HERC6: variants seen among roughly 807,000 people sequenced by gnomAD.
HERC6 encodes HECT and RLD domain containing E3 ubiquitin protein ligase family member 6, also known as probable E3 ubiquitin-protein ligase HERC6.
In HERC6, 101 loss-of-function variants were observed where a neutral mutation model predicts 114.5. That is an observed-to-expected ratio of 0.88 (90% CI 0.75 to 1.04). The LOEUF is 1.04. Ranked by LOEUF, HERC6 falls within the 50% of genes least tolerant of loss-of-function variation. The pLI, the probability that HERC6 is intolerant of heterozygous loss-of-function variation, is 0.00. For missense variants in HERC6, 1,133 were observed against 1,230.9 expected (o/e 0.92, Z 1.19); for synonymous variants, 408 against 436.2 (o/e 0.94, Z 0.81).
At chr4:88,389,393 G>T (rs1027845693) in intron 3 of HERC6, among the ~76,000 whole-genome samples, 2 of 152,162 alleles carry the variant, frequency 1.3e-5, no homozygotes, top group Non-Finnish European at 2.9e-5. Flanking sequence ...GGGGGCAAAG[G>T]TTGCCTCAGG....
intron 8 of HERC6, among the ~76,000 whole-genome samples, chr4:88,402,964 G>A (rs990712679): frequency 6.6e-6 from 1 of 152,192 alleles, no homozygotes; most frequent in South Asian, 2.1e-4. Flanking sequence ...TCTTCTTCAA[G>A]AGGTCTTTTA....
chr4:88,388,864 G>T (rs1159281041), intron 3 of HERC6, among the ~76,000 whole-genome samples: 2 of 152,290 alleles, frequency 1.3e-5, no homozygotes, highest in African/African-American at 4.8e-5. Context: ...CTGTACAGGT[G>T]CAAATCTCCC....
intron 15 of HERC6, among the ~76,000 whole-genome samples, chr4:88,427,392 T>C (rs768513440): frequency 5.3e-5 from 8 of 152,162 alleles, no homozygotes; most frequent in East Asian, 1.9e-4. Context: ...CCCATGGAAC[T>C]CAGACCCATG....
intron 8 of HERC6, among the ~76,000 whole-genome samples, chr4:88,402,873 C>G (rs576218077): frequency 6.6e-6 from 1 of 152,300 alleles, no homozygotes; most frequent in South Asian, 2.1e-4. Context: ...GGGAAAAACT[C>G]TTCCTCTTGA....
intron 13 of HERC6, among the ~76,000 whole-genome samples, chr4:88,419,952 TC>T (rs1404398904): frequency 6.6e-6 from 1 of 151,806 alleles, no homozygotes; most frequent in African/African-American, 2.4e-5. Context: ...TCCTCTCTCT[TC>T]CCCTCTCCCT....
chr4:88,440,101 A>G lies in HERC6; in HGVS notation c.2739+44A>G, dbSNP rs200072050. On this transcript the variant is annotated intron_variant, in intron 21 of 22. Transcript: ENST00000264346. ...GCCCCAATTTTTCCGAACAACTTCT[A>G]TATATTCCACCCCACTCAAATCATT... is the stretch of plus-strand genomic sequence containing the variant. The G allele has an allele frequency of 1.7e-5, 27 of 1,604,534 alleles. No homozygotes were observed. In the East Asian group the frequency reaches 4.7e-4, roughly 28 times the overall value.
intron 5 of HERC6, among the ~76,000 whole-genome samples, chr4:88,393,961 TA>T (rs2148879311): frequency 6.6e-6 from 1 of 152,330 alleles, no homozygotes; most frequent in African/African-American, 2.4e-5. Flanking sequence ...CCCCATCTCC[TA>T]ATATCATGGC....
rs1739449745 is a variant in HERC6 at position 88,442,596 on chromosome 4, T to C, written c.*136T>C. The C allele has an allele frequency of 1.4e-5, 10 of 726,608 alleles. No individual in the cohort carries two copies. The South Asian group carries it at 1.4e-4, about 10-fold the overall frequency. The allele number at this position is 726,608 out of a possible 1,614,324, so 45.0% of individuals were successfully genotyped here. On this transcript the variant is annotated 3_prime_UTR_variant, in exon 23 of 23. Coordinates refer to ENST00000264346, the MANE Select transcript of HERC6 (RefSeq NM_017912.4). ...AGAGATTGGGGGAATGGGGAGATGA[T>C]GATGATGGTCAAAGGGTGCAAAATC...
intron 11 of HERC6, among the ~76,000 whole-genome samples, chr4:88,410,173 G>A (rs1736013594): frequency 6.6e-6 from 1 of 152,176 alleles, no homozygotes; most frequent in Admixed American, 6.5e-5. Flanking sequence ...CCAAGGTAGT[G>A]GGAGCACAGT....
intron 5 of HERC6, among the ~76,000 whole-genome samples, chr4:88,394,201 G>A (rs576027242): frequency 6.6e-6 from 1 of 152,132 alleles, no homozygotes; most frequent in African/African-American, 2.4e-5. Flanking sequence ...ATAGCTGGGT[G>A]TGGTGGCTCA....
rs1045504635 is a variant in HERC6 at position 88,424,448 on chromosome 4, C to T, written c.1828-147C>T. On this transcript the variant is annotated intron_variant, in intron 14 of 22. Transcript: ENST00000264346. ...GAGCCAAGTTTATGCCCCTGCACTCCAGCCTGGGCAATAGAACAAGACTCT... is the reference window on the plus strand; with the variant it reads ...GAGCCAAGTTTATGCCCCTGCACTCTAGCCTGGGCAATAGAACAAGACTCT... 3 of 650,344 alleles carry T rather than the reference C, an allele frequency of 4.6e-6. No individual in the cohort carries two copies. In the Admixed American group the frequency reaches 9.2e-5, roughly 20 times the overall value. The allele number at this position is 650,344 out of a possible 1,614,324, so 40.3% of individuals were successfully genotyped here. A position where few individuals can be genotyped will look rare whatever the true frequency, so the allele number is the denominator to read the frequency against.
In HERC6 at chr4:88,428,344, A is replaced by G. The variant is rs867993157; in HGVS notation, c.1936-236A>G. 5.3e-5 allele frequency among the ~76,000 whole-genome samples: 8 copies of G among 152,318 alleles called. No homozygotes were observed. The South Asian group carries it at 1.2e-3, about 24-fold the overall frequency. On this transcript the variant is annotated intron_variant, in intron 15 of 22. Transcript: ENST00000264346. ...AATAACTTAGCTGTTCATCCATGCT[A>G]ACTAATCTCCTGTACACAATTCCTA... is the stretch of plus-strand genomic sequence containing the variant.
Position 88,417,647 on chromosome 4 carries a change from T to C in HERC6, c.1713+68T>C, listed in dbSNP as rs894857418. On this transcript the variant is annotated intron_variant, in intron 13 of 22. Transcript: ENST00000264346. Reference sequence around the variant, plus strand: ...TCAAAATCCCTTAAGTCTCAACCAGTTGGACTTCTAAGAAGTCAAATAAAA... The same window carrying C: ...TCAAAATCCCTTAAGTCTCAACCAGCTGGACTTCTAAGAAGTCAAATAAAA... The C allele has an allele frequency of 7.4e-6, 10 of 1,345,716 alleles. No individual in the cohort carries two copies. In the East Asian group the frequency reaches 9.9e-5, roughly 13 times the overall value. The allele number at this position is 1,345,716 out of a possible 1,614,324, so 83.4% of individuals were successfully genotyped here.
At chr4:88,397,727 A>G in intron 7 of HERC6, among the ~76,000 whole-genome samples, 1 of 152,094 alleles carries the variant, frequency 6.6e-6, no homozygotes. Context: ...AGATTAAGGT[A>G]ATACAGAAGA....
chr4:88,428,823 C>G, intron 16 of HERC6, 73 bp downstream of exon 16: 1 of 1,262,900 alleles, frequency 7.9e-7, no homozygotes, highest in South Asian at 1.9e-5. Context: ...AACAAATGCT[C>G]TCTGAAAAGA....
In HERC6 at chr4:88,379,108, G is replaced by A; in HGVS notation, c.187G>A (p.Gly63Arg). ...GQLGRRGAQR[G>R]ELPEPIQALE... Reference sequence around the variant, plus strand: ...GCTGGGCCGCAGGGGCGCGCAGCGCGGGGAGCTGCCAGGTGAGCGGGGGGC... The same window carrying A: ...GCTGGGCCGCAGGGGCGCGCAGCGCAGGGAGCTGCCAGGTGAGCGGGGGGC... Residue 63 changes from glycine (G) to arginine (R), a missense_variant, in exon 1 of 23, where the codon GGG becomes AGG. By Grantham distance (125) the Gly-to-Arg change is moderately radical. Coordinates refer to ENST00000264346, the MANE Select transcript of HERC6 (RefSeq NM_017912.4). The A allele has an allele frequency of 1.3e-6, 2 of 1,543,202 alleles. No homozygotes were observed. Among genetic ancestry groups the A allele is most frequent in the Non-Finnish European group, 1.7e-6 (2 of 1,146,324 alleles).
chr4:88,405,680 G>A lies in HERC6; in HGVS notation c.1274+67G>A, dbSNP rs568010710. The A allele has an allele frequency of 3.2e-3, 2,755 of 859,742 alleles. 5 individuals carry two copies. The highest frequency in any genetic ancestry group is 4.0e-3 in the Non-Finnish European group (2,333 of 588,852). 53.3% of individuals were successfully genotyped at this position (859,742 alleles called of 1,614,324 possible). Reference sequence around the variant, plus strand: ...AAATATTTAAAATGAAATGTTTCAAGTAAGTTTAATTTGTGAATTTTGTTA... The same window carrying A: ...AAATATTTAAAATGAAATGTTTCAAATAAGTTTAATTTGTGAATTTTGTTA... On this transcript the variant is annotated intron_variant, in intron 10 of 22. Coordinates refer to ENST00000264346, the MANE Select transcript of HERC6 (RefSeq NM_017912.4).
At chr4:88,438,075 G>C (rs924055679) in intron 20 of HERC6, among the ~76,000 whole-genome samples, 1 of 149,288 alleles carries the variant, frequency 6.7e-6, no homozygotes, top group Non-Finnish European at 1.5e-5. Flanking sequence ...GCAGTGAGCC[G>C]GGATTGCGCA....
intron 17 of HERC6, among the ~76,000 whole-genome samples, chr4:88,434,481 G>A (rs1238628071): frequency 6.6e-6 from 1 of 152,232 alleles, no homozygotes; most frequent in Admixed American, 6.5e-5. Flanking sequence ...GCGAAGGCCT[G>A]AGGTTGAAGG....
Sources: allele counts gnomAD v4.1 joint callset (sites outside exome capture counted in the v4.1 genomes callset), GRCh38; gene constraint gnomAD v4.1.1; transcripts MANE v1.5; gene names NCBI Gene and HGNC (gene_info 2026-07-23, HGNC 2026-07-21).